The following MPP7 variants were observed in gnomAD, a reference collection of about 807,000 sequenced individuals.
MPP7 encodes the protein MAGUK p55 subfamily member 7.
A neutral mutation model predicts 76.5 loss-of-function variants in MPP7; 60 were observed. The observed-to-expected ratio is 0.78, with a 90% CI of 0.64 to 0.97. The LOEUF (loss-of-function observed/expected upper bound fraction) is 0.97, where lower values mean the gene tolerates loss of function less well. Among genes scored for constraint, MPP7 ranks in the 50% least tolerant of loss-of-function variants. MPP7 has a pLI of 0.00. For synonymous variants in MPP7, 237 were observed against 244.5 expected, an observed-to-expected ratio of 0.97 and a Z score of 0.29; for missense variants, 641 against 694.0, an observed-to-expected ratio of 0.92 and a Z score of 0.86.
intron 1 of MPP7, among the ~76,000 whole-genome samples, chr10:28,299,502 A>G (rs1394058877): frequency 6.6e-6 from 1 of 152,214 alleles, no homozygotes; most frequent in Non-Finnish European, 1.5e-5. Flanking sequence ...ATCACTGACC[A>G]GAGATCACCA....
intron 11 of MPP7, among the ~76,000 whole-genome samples, chr10:28,109,596 C>T (rs1834431321): frequency 6.6e-6 from 1 of 151,814 alleles, no homozygotes; most frequent in Admixed American, 6.6e-5. Context: ...GCCTGTGTAA[C>T]GTGAAGGTGC....
chr10:28,138,516 T>C (rs944068312), intron 5 of MPP7, among the ~76,000 whole-genome samples: 3 of 152,238 alleles, frequency 2.0e-5, no homozygotes, highest in African/African-American at 7.2e-5. Flanking sequence ...GTAGACATTA[T>C]TGACTAATAA....
chr10:28,072,981 T>C (rs1852308047), intron 12 of MPP7, among the ~76,000 whole-genome samples: 1 of 152,196 alleles, frequency 6.6e-6, no homozygotes, highest in Non-Finnish European at 1.5e-5. Context: ...ACTGCTGAGC[T>C]GAGTGCAGAA....
chr10:28,303,885 A>G (rs1237015807), upstream of MPP7, among the ~76,000 whole-genome samples: 2 of 152,214 alleles, frequency 1.3e-5, no homozygotes, highest in African/African-American at 4.8e-5. Flanking sequence ...CCTTCCTATC[A>G]TGTAACCAAC....
At chr10:28,062,581 C>CACACACACA (rs1851837337) in intron 13 of MPP7, among the ~76,000 whole-genome samples, 6 of 120,920 alleles carry the variant, frequency 5.0e-5, no homozygotes, top group African/African-American at 1.3e-4. Flanking sequence ...CACACACACA[C>CACACACACA]CAAAGGTTGG....
At chr10:28,303,943 CTT>C (rs1841224777), upstream of MPP7, among the ~76,000 whole-genome samples, 1 of 151,928 alleles carries the variant, frequency 6.6e-6, no homozygotes, top group Non-Finnish European at 1.5e-5. Flanking sequence ...CAGGAAGACT[CTT>C]ATAGGAAGAA....
chr10:28,311,326 A>G (rs548045613), intron 2 of MPP7, among the ~76,000 whole-genome samples: 33 of 152,214 alleles, frequency 2.2e-4, no homozygotes, highest in Non-Finnish European at 4.4e-4. Context: ...TGTGAATGAC[A>G]GCATGATGTG....
chr10:28,288,662 G>A (rs1274924368), intron 1 of MPP7, among the ~76,000 whole-genome samples: 1 of 152,174 alleles, frequency 6.6e-6, no homozygotes, highest in African/African-American at 2.4e-5. Context: ...CTTAATAATT[G>A]TTAAGAGCGT....
rs567026039 is a variant in MPP7 at position 28,177,837 on chromosome 10, C to T, written c.156+24316G>A. 5.8e-4 allele frequency among the ~76,000 whole-genome samples: 89 copies of T among 152,252 alleles called. 1 individual carries two copies. The Middle Eastern group carries it at 0.01, about 17-fold the overall frequency. On this transcript the variant is annotated intron_variant, in intron 3 of 16. Coordinates refer to ENST00000683449, the MANE Select transcript of MPP7 (RefSeq NM_001318170.2). ...GACCCAGGGAACACTGTCATGCTGG[C>T]GGATCAGGGATGCCAGGCATGCAGG...
At chr10:28,285,344 C>A (rs955677264) in intron 1 of MPP7, among the ~76,000 whole-genome samples, 2 of 152,142 alleles carry the variant, frequency 1.3e-5, no homozygotes, top group African/African-American at 2.4e-5. Flanking sequence ...CGCCACCACA[C>A]CCAGCTAATT....
At chr10:28,110,574 CAG>C (rs1834475449) in intron 11 of MPP7, among the ~76,000 whole-genome samples, 1 of 152,082 alleles carries the variant, frequency 6.6e-6, no homozygotes, top group African/African-American at 2.4e-5. Context: ...TTGGGAGTAA[CAG>C]GGGAATGAAA....
intron 2 of MPP7, among the ~76,000 whole-genome samples, chr10:28,316,298 A>G (rs1350714344): frequency 2.0e-5 from 3 of 151,932 alleles, no homozygotes; most frequent in Admixed American, 6.6e-5. Flanking sequence ...TTAGCCGGGC[A>G]TGGTGGCACG....
intron 3 of MPP7, among the ~76,000 whole-genome samples, chr10:28,157,481 T>C (rs1456704593): frequency 6.6e-6 from 1 of 152,234 alleles, no homozygotes; most frequent in African/African-American, 2.4e-5. Context: ...AATCAGACTT[T>C]ATTCACAATG....
Position 28,131,638 on chromosome 10 carries a change from C to A in MPP7, c.369G>T (p.Leu123Phe), listed in dbSNP as rs535405832. Residue 123 changes from leucine to phenylalanine, a missense_variant, in exon 6 of 17, where the codon TTG becomes TTT. By Grantham distance (22) the Leu-to-Phe change is conservative. Coordinates refer to ENST00000683449, the MANE Select transcript of MPP7 (RefSeq NM_001318170.2). ...CGTCAATATCTTCAGGCATAGGAGG[C>A]AACACTGGGTCGTAATTCTTCTGAG... ...TVAQKNYDPVLPPMPEDIDDE... is the reference protein window; with the variant it reads ...TVAQKNYDPVFPPMPEDIDDE... 2 of 1,605,682 alleles carry A rather than the reference C, an allele frequency of 1.2e-6. No individual in the cohort carries two copies. Among genetic ancestry groups the A allele is most frequent in the East Asian group, 2.3e-5 (1 of 44,252 alleles).
intron 12 of MPP7, among the ~76,000 whole-genome samples, chr10:28,087,221 C>T (rs1297511363): frequency 6.6e-6 from 1 of 152,196 alleles, no homozygotes; most frequent in Non-Finnish European, 1.5e-5. Context: ...GATCTCTGCA[C>T]ACACAGGATT....
chr10:28,255,870 TCCTAAAAAGTTTGTAGAGAGGCACTGGGA>T (rs1480138296), intron 1 of MPP7, among the ~76,000 whole-genome samples: 1 of 152,188 alleles, frequency 6.6e-6, no homozygotes, highest in East Asian at 1.9e-4. Context: ...ATTAGTGGTA[TCCTAAAAAGTTTGTAGAGAGGCACTGGGA>T]GGTGAAGAGG....
At chr10:28,120,834 G>A (rs2133611841) in intron 8 of MPP7, among the ~76,000 whole-genome samples, 166 bp from the exon 9 acceptor site, 1 of 152,316 alleles carries the variant, frequency 6.6e-6, no homozygotes, top group East Asian at 1.9e-4. Context: ...TGTAATGTGA[G>A]AAAGAAAGCT....
intron 1 of MPP7, among the ~76,000 whole-genome samples, chr10:28,300,001 T>G (rs950504579): frequency 2.9e-4 from 44 of 152,042 alleles, no homozygotes; most frequent in Non-Finnish European, 1.9e-4. Flanking sequence ...TCTCCTGACC[T>G]TGTGATCCGC....
chr10:28,258,352 A>G (rs1276248675), intron 1 of MPP7, among the ~76,000 whole-genome samples: 2 of 148,300 alleles, frequency 1.3e-5, no homozygotes. Flanking sequence ...TATACTTAGG[A>G]CTGATAAGAT....
Sources: allele counts gnomAD v4.1 joint callset (sites outside exome capture counted in the v4.1 genomes callset), GRCh38; gene constraint gnomAD v4.1.1; transcripts MANE v1.5; gene names NCBI Gene and HGNC (gene_info 2026-07-23, HGNC 2026-07-21).